The following ADAMTS2 variants were observed in gnomAD, a reference collection of about 807,000 sequenced individuals.
ADAMTS2 encodes the protein A disintegrin and metalloproteinase with thrombospondin motifs 2.
Under a neutral mutation model 123.0 loss-of-function variants are expected in ADAMTS2, and 50 were observed. That is an observed-to-expected ratio of 0.41 (90% confidence interval 0.32 to 0.51). ADAMTS2 has a LOEUF of 0.51. ADAMTS2 is among the 20% of genes least tolerant of loss of function. ADAMTS2 has a pLI of 0.35. For missense variants in ADAMTS2, 1,494 were observed against 1,705.2 expected (o/e 0.88, Z 2.18); for synonymous variants, 678 against 695.4 (o/e 0.98, Z 0.39).
intron 3 of ADAMTS2, among the ~76,000 whole-genome samples, chr5:179,226,593 C>T (rs6883699): frequency 0.32 from 49,281 of 151,888 alleles, 8,528 homozygotes; most frequent in Non-Finnish European, 0.37. Flanking sequence ...TATGAGAAGA[C>T]GCTCGACCTC....
Position 179,150,100 on chromosome 5 carries a change from C to T in ADAMTS2, c.1629+2042G>A, listed in dbSNP as rs560451149. On this transcript the variant is annotated intron_variant, in intron 10 of 21. Transcript: ENST00000251582. ...AGCTGGGGTGCAGGCCAGCCACACACACACATATGGGGGCCCCACCAGCTC... is the reference window on the plus strand; with the variant it reads ...AGCTGGGGTGCAGGCCAGCCACACATACACATATGGGGGCCCCACCAGCTC... Among the ~76,000 whole-genome samples, 4 of 150,632 alleles carry T rather than the reference C, an allele frequency of 2.7e-5. No individual in the cohort carries two copies. The South Asian group carries it at 8.4e-4, about 32-fold the overall frequency.
At chr5:179,315,806 C>T (rs2113583787) in intron 2 of ADAMTS2, among the ~76,000 whole-genome samples, 1 of 152,308 alleles carries the variant, frequency 6.6e-6, no homozygotes, top group South Asian at 2.1e-4. Context: ...ACTGAACAGC[C>T]ACAGCCACCG....
intron 2 of ADAMTS2, among the ~76,000 whole-genome samples, chr5:179,298,359 T>G (rs1011856102): frequency 1.3e-5 from 2 of 152,052 alleles, no homozygotes; most frequent in African/African-American, 4.8e-5. Flanking sequence ...GGGGACCCCG[T>G]TAATGGGATT....
intron 3 of ADAMTS2, among the ~76,000 whole-genome samples, chr5:179,223,836 C>T (rs548163564): frequency 3.3e-5 from 5 of 152,198 alleles, no homozygotes; most frequent in Non-Finnish European, 7.4e-5. Context: ...CAGGCACACA[C>T]ATGCACACAC....
intron 2 of ADAMTS2, among the ~76,000 whole-genome samples, chr5:179,278,421 C>A (rs1039894798): frequency 2.6e-5 from 4 of 152,022 alleles, no homozygotes; most frequent in Non-Finnish European, 5.9e-5. Flanking sequence ...CTTTGATTTT[C>A]CTGCTGCCAG....
At chr5:179,195,721 C>T (rs1473541432) in intron 4 of ADAMTS2, among the ~76,000 whole-genome samples, 3 of 152,216 alleles carry the variant, frequency 2.0e-5, no homozygotes, top group Non-Finnish European at 2.9e-5. Context: ...GCCTTGCGTG[C>T]AGCCTCGCAC....
rs77680216 is a variant in ADAMTS2, at chr5:179,118,147, C to T, written c.3178+3514G>A. Among the ~76,000 whole-genome samples, 1,270 of 152,236 alleles carry T rather than the reference C, an allele frequency of 8.3e-3. 14 individuals are homozygous for T. Among genetic ancestry groups the T allele is most frequent in the African/African-American group, 0.029 (1,207 of 41,536 alleles). On this transcript the variant is annotated intron_variant, in intron 21 of 21. Coordinates refer to ENST00000251582, the MANE Select transcript of ADAMTS2 (RefSeq NM_014244.5). This position sits in a 1 kb window ranked among gnomAD's most constrained non-coding sequence, Gnocchi z 4.5. ...CTCTTAGTTTAAAAAAATAAAAATA[C>T]GTCAATGAGTAAATACAAAATTGAA... is the stretch of plus-strand genomic sequence containing the variant.
chr5:179,281,007 A>G (rs1195654462), intron 2 of ADAMTS2, among the ~76,000 whole-genome samples: 1 of 152,184 alleles, frequency 6.6e-6, no homozygotes, highest in Non-Finnish European at 1.5e-5. Flanking sequence ...ACTGGTACAC[A>G]CCACCACATC....
At chr5:179,232,639 G>A (rs982517224) in intron 3 of ADAMTS2, among the ~76,000 whole-genome samples, 1 of 152,190 alleles carries the variant, frequency 6.6e-6, no homozygotes, top group African/African-American at 2.4e-5. Context: ...TGTAAAGTCG[G>A]GTGACAATGG....
chr5:179,345,133 G>A lies in ADAMTS2; in HGVS notation c.139+57C>T, dbSNP rs1193519561. 3.8e-6 allele frequency: 4 copies of A among 1,056,954 alleles called. No homozygotes were observed. The East Asian group carries it at 2.1e-4, about 54-fold the overall frequency. The allele number at this position is 1,056,954 out of a possible 1,614,324, so 65.5% of individuals were successfully genotyped here. A position where few individuals can be genotyped will look rare whatever the true frequency, so the allele number is the denominator to read the frequency against. ...GCCTGGGGAGGGGGCGGCGGGGCAC[G>A]CGGGACAGGGCCAGGCCGGCGGGGG... On this transcript the variant is annotated intron_variant, in intron 1 of 21. Transcript: ENST00000251582. The surrounding 1 kb of genome is among the most constrained non-coding windows in gnomAD (Gnocchi z 7.5).
rs1483752004 is a variant in ADAMTS2 at position 179,189,572 on chromosome 5, T to C, written c.892-8417A>G. Among the ~76,000 whole-genome samples, 2 of 134,610 alleles carry C rather than the reference T, an allele frequency of 1.5e-5. No homozygotes were observed. The highest frequency in any genetic ancestry group is 2.8e-5 in the African/African-American group (1 of 35,394). The allele number at this position is 134,610 out of a possible 152,430, so 88.3% of individuals were successfully genotyped here. A position where few individuals can be genotyped will look rare whatever the true frequency, so the allele number is the denominator to read the frequency against. ...CAGGGTTTCACAATGTTAGCCAGGA[T>C]GGTCTTGATCTCCTGACTTCATGAT... is the stretch of plus-strand genomic sequence containing the variant. On this transcript the variant is annotated intron_variant, in intron 4 of 21. Transcript: ENST00000251582. The surrounding 1 kb of genome is among the most constrained non-coding windows in gnomAD (Gnocchi z 4.2).
intron 9 of ADAMTS2, among the ~76,000 whole-genome samples, chr5:179,153,215 A>G (rs1763396190): frequency 6.6e-6 from 1 of 151,684 alleles, no homozygotes; most frequent in Admixed American, 6.6e-5. Context: ...AGCCCTCCTG[A>G]CCTCTGCAGG....
intron 4 of ADAMTS2, among the ~76,000 whole-genome samples, chr5:179,194,192 G>T (rs1396567884): frequency 6.6e-6 from 1 of 152,196 alleles, no homozygotes; most frequent in African/African-American, 2.4e-5. Context: ...GAGGAGGTGG[G>T]GAGATGTCCA....
chr5:179,244,356 C>T (rs1765735217), intron 3 of ADAMTS2, among the ~76,000 whole-genome samples: 1 of 152,186 alleles, frequency 6.6e-6, no homozygotes, highest in Non-Finnish European at 1.5e-5. Flanking sequence ...CAGAAGGCAG[C>T]AGAATGGCAT....
chr5:179,214,858 C>A (rs1287719247), intron 3 of ADAMTS2, among the ~76,000 whole-genome samples: 2 of 142,632 alleles, frequency 1.4e-5, no homozygotes, highest in Non-Finnish European at 3.2e-5. Flanking sequence ...GTCAAATAAT[C>A]TCCGTCGAAT....
chr5:179,147,437 T>G (rs773293351), intron 10 of ADAMTS2, among the ~76,000 whole-genome samples: 3 of 152,212 alleles, frequency 2.0e-5, no homozygotes, highest in Non-Finnish European at 4.4e-5. Flanking sequence ...TTGGCCTTTC[T>G]AAAGAAATAT....
At chr5:179,259,315 G>A (rs1371864544) in intron 3 of ADAMTS2, among the ~76,000 whole-genome samples, 1 of 152,214 alleles carries the variant, frequency 6.6e-6, no homozygotes, top group Non-Finnish European at 1.5e-5. Context: ...CACTTCCCAA[G>A]TCTTTCATTG....
intron 2 of ADAMTS2, among the ~76,000 whole-genome samples, chr5:179,342,769 G>T (rs986458297): frequency 6.6e-6 from 1 of 152,218 alleles, no homozygotes; most frequent in Admixed American, 6.5e-5. Context: ...AGTGGCCTCT[G>T]CTGTGTGCCA....
In ADAMTS2 at chr5:179,158,337, A is replaced by G. The variant is rs1763524973; in HGVS notation, c.1132+386T>C. ...CCATCCACCTACGTTATCTTCTTTCATTATTTTGCGTTTCTTATTTAGACC... is the reference window on the plus strand; with the variant it reads ...CCATCCACCTACGTTATCTTCTTTCGTTATTTTGCGTTTCTTATTTAGACC... On this transcript the variant is annotated intron_variant, in intron 6 of 21. Transcript: ENST00000251582. The surrounding 1 kb of genome is among the most constrained non-coding windows in gnomAD (Gnocchi z 5.0). 6.6e-6 allele frequency among the ~76,000 whole-genome samples: 1 copy of G among 152,110 alleles called. No homozygotes were observed. Among genetic ancestry groups the G allele is most frequent in the South Asian group, 2.1e-4 (1 of 4,816 alleles).
Sources: gnomAD v4.1 joint callset for allele counts (sites outside exome capture counted in the v4.1 genomes callset) on GRCh38, gnomAD v4.1.1 for gene constraint, Gnocchi (gnomAD v3.1) non-coding constraint, MANE v1.5 for transcripts, NCBI Gene and HGNC (gene_info 2026-07-23, HGNC 2026-07-21) for gene names.